UGT1A8: variants seen among roughly 807,000 people sequenced by gnomAD.
The protein encoded by UGT1A8 is UDP-glucuronosyltransferase 1A8.
In UGT1A8, 39 loss-of-function variants were observed where a neutral mutation model predicts 45.3. The ratio of observed to expected loss-of-function variants is 0.86; its 90% CI spans 0.67 to 1.12. The LOEUF is 1.12. Ranked by LOEUF, UGT1A8 falls within the 50% of genes most tolerant of loss-of-function variation. The pLI, the probability that UGT1A8 is intolerant of heterozygous loss-of-function variation, is 0.00. For synonymous variants in UGT1A8, 275 were observed against 249.2 expected, an observed-to-expected ratio of 1.10 and a Z score of -0.97; for missense variants, 719 against 664.9, an observed-to-expected ratio of 1.08 and a Z score of -0.90.
At chr2:233,736,493 CT>C (rs2078770083) in intron 1 of UGT1A8, among the ~76,000 whole-genome samples, 1 of 152,222 alleles carries the variant, frequency 6.6e-6, no homozygotes, top group African/African-American at 2.4e-5. Context: ...TACTACCAAA[CT>C]TCTGAAGCCT....
At chr2:233,729,131 C>A (rs1449948739) in intron 1 of UGT1A8, 2 of 1,613,182 alleles carry the variant, frequency 1.2e-6, no homozygotes, top group East Asian at 4.5e-5. Context: ...GCTGAGATGG[C>A]CACAGGACTC....
At chr2:233,638,744 A>G (rs187601285) in intron 1 of UGT1A8, among the ~76,000 whole-genome samples, 5 of 152,326 alleles carry the variant, frequency 3.3e-5, no homozygotes, top group Admixed American at 1.3e-4. Context: ...TAACACAGTT[A>G]TATCTGTCAT....
intron 1 of UGT1A8, chr2:233,691,042 C>A (rs1369045618): frequency 2.0e-6 from 2 of 989,126 alleles, no homozygotes; most frequent in East Asian, 2.2e-4. Flanking sequence ...CCAACGTCCA[C>A]AGCAGAGTGG....
intron 1 of UGT1A8, among the ~76,000 whole-genome samples, chr2:233,680,356 G>A (rs76604620): frequency 4.1e-4 from 63 of 152,284 alleles, no homozygotes; most frequent in Non-Finnish European, 8.4e-4. Context: ...CATATCACAT[G>A]CATTTAGGCC....
chr2:233,732,874 G>A (rs1220552637), intron 1 of UGT1A8, among the ~76,000 whole-genome samples: 1 of 151,670 alleles, frequency 6.6e-6, no homozygotes, highest in Non-Finnish European at 1.5e-5. Context: ...GATGGGTTTG[G>A]CATTGAATCT....
At chr2:233,747,492 C>G (rs1313970709) in intron 1 of UGT1A8, 21 of 1,608,406 alleles carry the variant, frequency 1.3e-5, no homozygotes, top group Non-Finnish European at 1.7e-5. Context: ...TCGCCTTGTG[C>G]TGGGCCACAC....
intron 1 of UGT1A8, among the ~76,000 whole-genome samples, chr2:233,660,827 T>C (rs1227684451): frequency 1.3e-5 from 2 of 152,184 alleles, no homozygotes; most frequent in Non-Finnish European, 2.9e-5. Context: ...CTTCTCTTCA[T>C]GGGGTCTGGG....
chr2:233,625,374 A>G (rs2073071161), intron 1 of UGT1A8, among the ~76,000 whole-genome samples: 1 of 152,108 alleles, frequency 6.6e-6, no homozygotes, highest in African/African-American at 2.4e-5. Flanking sequence ...CCCTGTGGGA[A>G]GTAGTTTGGA....
In UGT1A8 at chr2:233,617,974, A is replaced by T. The variant is rs2072933297; in HGVS notation, c.267A>T (p.Glu89Asp). Residue 89 changes from glutamate (E) to aspartate (D), a missense_variant, in exon 1 of 5, where the codon GAA (glutamate) becomes GAT (aspartate). By Grantham distance (45) the Glu-to-Asp change is conservative. Transcript: ENST00000373450. ...ACACTCTGGAGGATCTGGACCGGGA[A>T]TTCATGGATTTCGCCGATGCTCAAT... ...TSYTLEDLDR[E>D]FMDFADAQWK... The T allele has an allele frequency of 6.2e-7, 1 of 1,614,174 alleles. No individual in the cohort carries two copies. Among genetic ancestry groups the T allele is most frequent in the Non-Finnish European group, 8.5e-7 (1 of 1,180,036 alleles).
At chr2:233,751,711 C>G (rs1187587643) in intron 1 of UGT1A8, among the ~76,000 whole-genome samples, 1 of 152,190 alleles carries the variant, frequency 6.6e-6, no homozygotes, top group Non-Finnish European at 1.5e-5. Context: ...TCCTCCTTCA[C>G]TCACAAGTGA....
At chr2:233,718,247 CA>C (rs1259915716) in intron 1 of UGT1A8, among the ~76,000 whole-genome samples, 1 of 152,186 alleles carries the variant, frequency 6.6e-6, no homozygotes, top group African/African-American at 2.4e-5. Flanking sequence ...TTGAGCTTTA[CA>C]AGAAATATCC....
At chr2:233,719,697 G>C (rs768448140) in intron 1 of UGT1A8, 2 of 1,613,928 alleles carry the variant, frequency 1.2e-6, no homozygotes, top group East Asian at 4.5e-5. Flanking sequence ...GGTCTGTATT[G>C]GTGCCTTCAT....
At chr2:233,651,402 A>G (rs538629295) in intron 1 of UGT1A8, among the ~76,000 whole-genome samples, 2 of 152,278 alleles carry the variant, frequency 1.3e-5, no homozygotes, top group African/African-American at 4.8e-5. Flanking sequence ...ATCATTTTAT[A>G]TATTTTTGGT....
chr2:233,760,289 T>C, intron 1 of UGT1A8: 1 of 1,613,270 alleles, frequency 6.2e-7, no homozygotes. Flanking sequence ...AAAGGCGCCA[T>C]GGCTGTGGAG....
Position 233,767,830 on chromosome 2 carries a change from C to A in UGT1A8, c.988-19C>A. 6.2e-7 allele frequency: 1 copy of A among 1,614,170 alleles called. No homozygotes were observed. The highest frequency in any genetic ancestry group is 8.5e-7 in the Non-Finnish European group (1 of 1,180,024). Reference sequence around the variant, plus strand: ...TATTATGTTCTTTCTTTACGTTCTGCTCTTTTTGCCCCTCCCAGGTCCTGT... The same window carrying A: ...TATTATGTTCTTTCTTTACGTTCTGATCTTTTTGCCCCTCCCAGGTCCTGT... On this transcript the variant is annotated intron_variant, in intron 2 of 4. Coordinates refer to ENST00000373450, the MANE Select transcript of UGT1A8 (RefSeq NM_019076.5).
intron 1 of UGT1A8, among the ~76,000 whole-genome samples, chr2:233,733,533 G>T (rs184573517): frequency 6.6e-6 from 1 of 152,150 alleles, no homozygotes; most frequent in African/African-American, 2.4e-5. Flanking sequence ...GTTTAATTTT[G>T]TTGAAGGCCT....
intron 1 of UGT1A8, among the ~76,000 whole-genome samples, chr2:233,621,068 C>T (rs974391776): frequency 2.0e-5 from 3 of 152,086 alleles, no homozygotes; most frequent in Admixed American, 2.0e-4. Flanking sequence ...TTGAGTCTAT[C>T]CAGGAGAATT....
At position 233,661,530 on chromosome 2, in the gene UGT1A8, A is replaced by G. The variant is rs13383382; in HGVS notation, c.855+42968A>G. On this transcript the variant is annotated intron_variant, in intron 1 of 4. Transcript: ENST00000373450. Reference sequence around the variant, plus strand: ...TGGCAGTGGAGTCCATTGAGATTGAAAAGCTGCATTTTTAATATGAGATAA... The same window carrying G: ...TGGCAGTGGAGTCCATTGAGATTGAGAAGCTGCATTTTTAATATGAGATAA... 7.8e-3 allele frequency among the ~76,000 whole-genome samples: 1,181 copies of G among 152,262 alleles called. 13 individuals carry two copies. Among genetic ancestry groups the G allele is most frequent in the African/African-American group, 0.027 (1,128 of 41,538 alleles).
chr2:233,694,550 A>C lies in UGT1A8; in HGVS notation c.856-72484A>C, dbSNP rs45573037. Among the ~76,000 whole-genome samples, 1,290 of 152,304 alleles carry C rather than the reference A, an allele frequency of 8.5e-3. 9 individuals carry two copies. Among genetic ancestry groups the C allele is most frequent in the Middle Eastern group, 0.024 (7 of 294 alleles). ...GCCCAGAGTTACTTTGGAAAATAAA[A>C]ATCTGTGAGTTTTAAATTTCAATGT... On this transcript the variant is annotated intron_variant, in intron 1 of 4. Transcript: ENST00000373450.
Sources: gnomAD v4.1 joint callset for allele counts (sites outside exome capture counted in the v4.1 genomes callset) on GRCh38, gnomAD v4.1.1 for gene constraint, MANE v1.5 for transcripts, NCBI Gene and HGNC (gene_info 2026-07-23, HGNC 2026-07-21) for gene names.